Variants in EDA observed in about 807,000 individuals in gnomAD.
EDA encodes ectodysplasin A.
A neutral mutation model predicts 23.6 loss-of-function variants in EDA; 2 were observed. The ratio of observed to expected loss-of-function variants is 0.08; its 90% CI spans 0.03 to 0.27. The LOEUF (loss-of-function observed/expected upper bound fraction) is 0.27. Among genes scored for constraint, EDA ranks in the 10% least tolerant of loss-of-function variants. The pLI is 1.00. For synonymous variants in EDA, 131 were observed against 132.0 expected (o/e 0.99, Z 0.05); for missense variants, 229 against 324.2 (o/e 0.71, Z 2.26).
intron 1 of EDA, among the ~76,000 whole-genome samples, chrX:69,889,724 T>A (rs1383903570): frequency 1.8e-5 from 2 of 112,215 alleles, no homozygotes; most frequent in Non-Finnish European, 3.8e-5. Context: ...TTTTCTCTCA[T>A]TCTGTAGGTT....
At chrX:69,682,882 C>A (rs189790691) in intron 1 of EDA, among the ~76,000 whole-genome samples, 1 of 111,579 alleles carries the variant, frequency 9.0e-6, no homozygotes, top group African/African-American at 3.3e-5. Flanking sequence ...AATAAAGTGA[C>A]TTGCTGCTCC....
intron 2 of EDA, among the ~76,000 whole-genome samples, chrX:69,958,738 A>C (rs1018652495): frequency 9.9e-5 from 11 of 111,460 alleles, no homozygotes; most frequent in African/African-American, 3.6e-4. Context: ...GTTTCCCAGA[A>C]GTCTTCTGGC....
intron 1 of EDA, among the ~76,000 whole-genome samples, chrX:69,823,523 T>C (rs200246285): frequency 0.11 from 6,836 of 63,072 alleles, 555 homozygotes; most frequent in African/African-American, 0.21. Flanking sequence ...TCATATCCTT[T>C]GCCCACTTTT....
At chrX:69,879,719 A>G (rs1040792976) in intron 1 of EDA, among the ~76,000 whole-genome samples, 1 of 112,185 alleles carries the variant, frequency 8.9e-6, no homozygotes, top group African/African-American at 3.2e-5. Context: ...GGAAGATGGC[A>G]TACCTGGGCT....
chrX:69,738,800 AC>A (rs1243128844), intron 1 of EDA, among the ~76,000 whole-genome samples: 1 of 109,001 alleles, frequency 9.2e-6, no homozygotes, highest in African/African-American at 3.3e-5. Context: ...TAATTTCCCA[AC>A]TTTATTTCTG....
intron 1 of EDA, among the ~76,000 whole-genome samples, chrX:69,757,453 T>C (rs2014159240): frequency 8.9e-6 from 1 of 112,341 alleles, no homozygotes; most frequent in Admixed American, 9.5e-5. Flanking sequence ...TGATCCTGAA[T>C]GTTCAGCATT....
At chrX:69,898,195 C>T (rs960612993) in intron 1 of EDA, among the ~76,000 whole-genome samples, 46 of 112,079 alleles carry the variant, frequency 4.1e-4, no homozygotes, top group African/African-American at 1.4e-3. Flanking sequence ...GTAATTTCGA[C>T]TGGAAGTTCC....
At chrX:69,759,380 T>C (rs1182846321) in intron 1 of EDA, among the ~76,000 whole-genome samples, 1 of 112,125 alleles carries the variant, frequency 8.9e-6, no homozygotes, top group Non-Finnish European at 1.9e-5. Flanking sequence ...CACGTATGTT[T>C]AGATGTGTGG....
intron 3 of EDA, among the ~76,000 whole-genome samples, chrX:70,025,368 G>T (rs1448307515): frequency 9.0e-6 from 1 of 111,305 alleles, no homozygotes; most frequent in Non-Finnish European, 1.9e-5. Flanking sequence ...AGCCTAATAT[G>T]CACCAACTTC....
chrX:69,771,692 C>T (rs971436066), intron 1 of EDA, among the ~76,000 whole-genome samples: 4 of 111,675 alleles, frequency 3.6e-5, no homozygotes, highest in African/African-American at 1.3e-4. Flanking sequence ...CTCAATAAAG[C>T]CGTTATGAAA....
At chrX:69,993,402 A>G (rs2019616970) in intron 2 of EDA, among the ~76,000 whole-genome samples, 2 of 111,538 alleles carry the variant, frequency 1.8e-5, no homozygotes, top group South Asian at 3.8e-4. Context: ...AGCACCTATG[A>G]TGTATCAGAT....
intron 1 of EDA, among the ~76,000 whole-genome samples, chrX:69,759,233 T>C (rs750563162): frequency 1.7e-4 from 19 of 112,120 alleles, no homozygotes; most frequent in Non-Finnish European, 2.8e-4. Context: ...CATTTTTCTG[T>C]ATAGTAGGAG....
At chrX:69,908,038 T>C (rs771840745) in intron 1 of EDA, among the ~76,000 whole-genome samples, 1 of 111,622 alleles carries the variant, frequency 9.0e-6, no homozygotes, top group African/African-American at 3.3e-5. Context: ...GAGAGGAAGG[T>C]TGGGAGTGAT....
At chrX:69,906,294 A>G (rs1276074673) in intron 1 of EDA, among the ~76,000 whole-genome samples, 1 of 112,301 alleles carries the variant, frequency 8.9e-6, no homozygotes, top group Non-Finnish European at 1.9e-5. Context: ...TTGATGTCCT[A>G]TAGAACACAA....
rs1569317439 is a variant in EDA, at chrX:69,749,922, C to CTTTTT, written c.396+133241_396+133245dup. Among the ~76,000 whole-genome samples the CTTTTT allele has an allele frequency of 6.0e-3, 198 of 33,253 alleles. 36 individuals carry two copies. Among genetic ancestry groups the CTTTTT allele is most frequent in the African/African-American group, 0.014 (169 of 12,208 alleles). 28.9% of individuals were successfully genotyped at this position (33,253 alleles called of 115,157 possible). On this transcript the variant is annotated intron_variant, in intron 1 of 7. Coordinates refer to ENST00000374552, the MANE Select transcript of EDA (RefSeq NM_001399.5). The stretch of plus-strand genomic sequence containing the variant: ...TTAGAAACTTCCTCTCACTAAGGTT[C>CTTTTT]TTTTTTTTTTTTTTTTTTTTTTTTT...
At chrX:69,792,743 T>A (rs1219468122) in intron 1 of EDA, among the ~76,000 whole-genome samples, 2 of 112,448 alleles carry the variant, frequency 1.8e-5, no homozygotes, top group African/African-American at 6.5e-5. Context: ...ATTTCTTTCA[T>A]ATGTTTGTTG....
At chrX:69,653,789 A>T (rs1181427020) in intron 1 of EDA, among the ~76,000 whole-genome samples, 2 of 111,998 alleles carry the variant, frequency 1.8e-5, no homozygotes, top group African/African-American at 3.2e-5. Flanking sequence ...CACCTTATAC[A>T]AAAATTAATT....
At chrX:69,627,194 T>C (rs747531119) in intron 1 of EDA, among the ~76,000 whole-genome samples, 2 of 111,625 alleles carry the variant, frequency 1.8e-5, no homozygotes, top group East Asian at 2.8e-4. Context: ...TGGGACCCAA[T>C]AGGTACTTGC....
At chrX:69,782,915 T>G in intron 1 of EDA, among the ~76,000 whole-genome samples, 1 of 112,107 alleles carries the variant, frequency 8.9e-6, no homozygotes, top group Non-Finnish European at 1.9e-5. Flanking sequence ...TCACTTGTAC[T>G]GCAGGATTAC....
Sources: allele counts gnomAD v4.1 joint callset (sites outside exome capture counted in the v4.1 genomes callset), GRCh38; gene constraint gnomAD v4.1.1; transcripts MANE v1.5; gene names NCBI Gene and HGNC (gene_info 2026-07-23, HGNC 2026-07-21).